Variants in RB1 observed in about 807,000 individuals in gnomAD.
The protein encoded by RB1 is RB transcriptional corepressor 1.
Under a neutral mutation model 135.4 loss-of-function variants are expected in RB1, and 18 were observed. That is an observed-to-expected ratio of 0.13 (90% CI 0.09 to 0.20). RB1 has a LOEUF of 0.20. Ranked by LOEUF, RB1 falls within the 10% of genes least tolerant of loss-of-function variation. The pLI is 1.00. For missense variants in RB1, 868 were observed against 1,110.0 expected, an observed-to-expected ratio of 0.78 and a Z score of 3.10; for synonymous variants, 365 against 373.2, an observed-to-expected ratio of 0.98 and a Z score of 0.25.
At chr13:48,338,751 C>T (rs1169705884) in intron 2 of RB1, among the ~76,000 whole-genome samples, 2 of 152,186 alleles carry the variant, frequency 1.3e-5, no homozygotes, top group Non-Finnish European at 2.9e-5. Context: ...GGGGGAGAGG[C>T]ACTCTGATTT....
intron 17 of RB1, among the ~76,000 whole-genome samples, chr13:48,448,149 A>G (rs1232777739): frequency 1.3e-5 from 2 of 152,238 alleles, no homozygotes; most frequent in Non-Finnish European, 2.9e-5. Context: ...GCTAGGAAGT[A>G]TAAAATATTT....
intron 17 of RB1, among the ~76,000 whole-genome samples, chr13:48,384,880 G>T (rs970268853): frequency 2.0e-5 from 3 of 152,148 alleles, no homozygotes; most frequent in African/African-American, 7.2e-5. Flanking sequence ...TACTGGAAAA[G>T]TCTGTTGAGA....
chr13:48,480,473 A>AT lies in RB1; in HGVS notation c.*409dup, dbSNP rs948087111. 8.5e-6 allele frequency: 2 copies of AT among 235,524 alleles called. No individual in the cohort carries two copies. Among genetic ancestry groups the AT allele is most frequent in the Non-Finnish European group, 1.7e-5 (2 of 119,334 alleles). The allele number at this position is 235,524 out of a possible 1,614,324, so 14.6% of individuals were successfully genotyped here. A position where few individuals can be genotyped will look rare whatever the true frequency, so the allele number is the denominator to read the frequency against. On this transcript the variant is annotated 3_prime_UTR_variant, in exon 27 of 27. Coordinates refer to ENST00000267163, the MANE Select transcript of RB1 (RefSeq NM_000321.3). ...CTTGTTTTTATTAATTTATATGTAT[A>AT]TTTTTTTAATTTAACATGAACACCC...
rs184522151 is a variant in RB1 at position 48,370,772 on chromosome 13, T to C, written c.1127+2168T>C. Among the ~76,000 whole-genome samples, 288 of 152,280 alleles carry C rather than the reference T, an allele frequency of 1.9e-3. 1 individual carries two copies. The highest frequency in any genetic ancestry group is 3.4e-3 in the Middle Eastern group (1 of 294). ...TGCATAGGCATGACAGATTAGATCA[T>C]TGGCTATTGATTATCAACCTAACCT... On this transcript the variant is annotated intron_variant, in intron 11 of 26. Transcript: ENST00000267163.
At chr13:48,459,607 G>A (rs2138335558) in intron 19 of RB1, 81 bp from the exon 20 acceptor site, 1 of 1,418,504 alleles carries the variant, frequency 7.0e-7, no homozygotes, top group African/African-American at 1.4e-5. Context: ...ATTATAATTA[G>A]AGCGATTTCA....
At chr13:48,310,646 T>G (rs1177755075) in intron 2 of RB1, among the ~76,000 whole-genome samples, 1 of 151,428 alleles carries the variant, frequency 6.6e-6, no homozygotes, top group Non-Finnish European at 1.5e-5. Flanking sequence ...ATTGATGTAT[T>G]TTTTTTTAGG....
chr13:48,306,585 T>C (rs975750681), intron 1 of RB1, among the ~76,000 whole-genome samples: 3 of 152,188 alleles, frequency 2.0e-5, no homozygotes, highest in Non-Finnish European at 2.9e-5. Flanking sequence ...CATCTGTAAA[T>C]GTCTACTTTT....
intron 2 of RB1, chr13:48,317,867 A>G: frequency 5.0e-6 from 2 of 397,236 alleles, no homozygotes; most frequent in Admixed American, 3.3e-5. Context: ...CTGCACAGCA[A>G]CTCTGGCCTG....
At position 48,368,592 on chromosome 13, in the gene RB1, A is replaced by G. The variant is rs1015497370; in HGVS notation, c.1115A>G (p.His372Arg). Residue 372 changes from histidine to arginine, a missense_variant, in exon 11 of 27, where the codon CAC becomes CGC. By Grantham distance (29) the His-to-Arg change is conservative. Transcript: ENST00000267163. ...GAAGAGGTGAATGTAATTCCTCCAC[A>G]CACTCCAGTTAGGTATGAATTTTCC... ...LDEEVNVIPP[H>R]TPVRTVMNTI... The G allele has an allele frequency of 1.2e-6, 2 of 1,613,450 alleles. No individual in the cohort carries two copies. Among genetic ancestry groups the G allele is most frequent in the Non-Finnish European group, 1.7e-6 (2 of 1,179,712 alleles).
intron 2 of RB1, chr13:48,317,232 C>T (rs987730534): frequency 3.8e-5 from 16 of 417,052 alleles, no homozygotes; most frequent in African/African-American, 3.2e-4. Context: ...TGGGAGACAC[C>T]CTTTCCAAAA....
intron 2 of RB1, among the ~76,000 whole-genome samples, chr13:48,316,136 TCCG>T (rs1178146143): frequency 3.3e-5 from 5 of 152,120 alleles, no homozygotes; most frequent in Non-Finnish European, 4.4e-5. Context: ...GCCGCTGACA[TCCG>T]CGGGGATTTC....
At chr13:48,329,186 C>T (rs1164354018) in intron 2 of RB1, among the ~76,000 whole-genome samples, 1 of 152,042 alleles carries the variant, frequency 6.6e-6, no homozygotes, top group Non-Finnish European at 1.5e-5. Context: ...TACTTATGTT[C>T]CTGTTTTAAT....
chr13:48,359,033 T>G (rs1294719589), intron 6 of RB1, among the ~76,000 whole-genome samples: 1 of 152,146 alleles, frequency 6.6e-6, no homozygotes. Flanking sequence ...TTTCTGCACA[T>G]CCAGTGTTTG....
At chr13:48,353,734 G>A (rs1952568318) in intron 6 of RB1, among the ~76,000 whole-genome samples, 1 of 152,038 alleles carries the variant, frequency 6.6e-6, no homozygotes, top group South Asian at 2.1e-4. Context: ...ACATTAGATA[G>A]ATCATTCATT....
At chr13:48,344,635 A>G (rs1318004321) in intron 3 of RB1, among the ~76,000 whole-genome samples, 1 of 152,110 alleles carries the variant, frequency 6.6e-6, no homozygotes, top group Non-Finnish European at 1.5e-5. Flanking sequence ...GAAAATGGTT[A>G]CTTACAGGGG....
chr13:48,385,917 A>G (rs1277693800), intron 17 of RB1, among the ~76,000 whole-genome samples: 1 of 152,026 alleles, frequency 6.6e-6, no homozygotes, highest in East Asian at 1.9e-4. Context: ...TTTATAGAAT[A>G]GGAGCTTTAG....
In RB1 at chr13:48,347,858, C is replaced by T. The variant is rs2138091716; in HGVS notation, c.534C>T (p.Ser178=). ...TCELIYLTQP[S]SSISTEINSA... The stretch of plus-strand genomic sequence containing the variant: ...AACTTATATATTTGACACAACCCAG[C>T]AGTTCGTAAGTAGTTCACAGAATGT... Residue 178 remains serine (S), a synonymous_variant, in exon 5 of 27, where the codon AGC becomes AGT. Coordinates refer to ENST00000267163, the MANE Select transcript of RB1 (RefSeq NM_000321.3). 1.3e-6 allele frequency: 2 copies of T among 1,589,552 alleles called. No homozygotes were observed. The highest frequency in any genetic ancestry group is 2.2e-5 in the South Asian group (2 of 90,260).
At chr13:48,304,078 C>T in intron 1 of RB1, 29 bp downstream of exon 1, 9 of 1,393,996 alleles carry the variant, frequency 6.5e-6, no homozygotes, top group Non-Finnish European at 8.3e-6. Context: ...CGTCGCCTCA[C>T]GCGGGAAGGG....
At chr13:48,424,494 A>C (rs1949051908) in intron 17 of RB1, among the ~76,000 whole-genome samples, 1 of 152,222 alleles carries the variant, frequency 6.6e-6, no homozygotes, top group African/African-American at 2.4e-5. Flanking sequence ...AGGTTCAAAC[A>C]AGTAGGGAAA....
Sources: allele counts gnomAD v4.1 joint callset (sites outside exome capture counted in the v4.1 genomes callset), GRCh38; gene constraint gnomAD v4.1.1; transcripts MANE v1.5; gene names NCBI Gene and HGNC (gene_info 2026-07-23, HGNC 2026-07-21).